Variants in STK3 observed in about 807,000 individuals in gnomAD.
The protein encoded by STK3 is serine/threonine-protein kinase 3.
STK3 carries 41 observed loss-of-function variants against 58.0 expected under a neutral mutation model. The observed-to-expected ratio is 0.71, with a 90% confidence interval of 0.55 to 0.92. STK3 has a LOEUF of 0.92. Among genes scored for constraint, STK3 ranks in the 40% least tolerant of loss-of-function variants. STK3 has a pLI of 0.00. For missense variants in STK3, 479 were observed against 602.7 expected, an observed-to-expected ratio of 0.79 and a Z score of 2.15; for synonymous variants, 170 against 191.0, an observed-to-expected ratio of 0.89 and a Z score of 0.91.
intron 4 of STK3, among the ~76,000 whole-genome samples, chr8:98,734,114 G>A (rs1035756007): frequency 1.3e-5 from 2 of 152,020 alleles, no homozygotes; most frequent in Non-Finnish European, 2.9e-5. Context: ...GAACAGCCGG[G>A]GGAAATCTGC....
At chr8:98,894,672 T>C (rs1168075500) in intron 1 of STK3, among the ~76,000 whole-genome samples, 1 of 152,262 alleles carries the variant, frequency 6.6e-6, no homozygotes, top group Non-Finnish European at 1.5e-5. Context: ...TTCACAGATA[T>C]CATCCCTGTG....
intron 1 of STK3, among the ~76,000 whole-genome samples, chr8:98,783,950 C>G (rs1832289004): frequency 6.6e-6 from 1 of 152,110 alleles, no homozygotes; most frequent in Non-Finnish European, 1.5e-5. Context: ...CACAAACAGC[C>G]CCTATTATGG....
intron 8 of STK3, among the ~76,000 whole-genome samples, chr8:98,563,711 GT>G (rs1271776788): frequency 2.0e-5 from 3 of 152,126 alleles, no homozygotes; most frequent in Non-Finnish European, 4.4e-5. Context: ...ATGGGGATAT[GT>G]CATAGGGACA....
At chr8:98,821,684 AG>A (rs1349508256) in intron 1 of STK3, among the ~76,000 whole-genome samples, 11 of 151,872 alleles carry the variant, frequency 7.2e-5, no homozygotes, top group African/African-American at 2.7e-4. Flanking sequence ...AAAGTTAAAA[AG>A]AAAAAAAAGG....
chr8:98,428,797 T>G lies in STK3; in HGVS notation n.483+5330A>C. ...CTCATGTCCATCGTCCCCTTTTACATCACTCTGGTGGTGAACCTGGTGGTG... is the reference window on the plus strand; with the variant it reads ...CTCATGTCCATCGTCCCCTTTTACAGCACTCTGGTGGTGAACCTGGTGGTG... On this transcript the variant is annotated intron_variant and non_coding_transcript_variant, in intron 3 of 3. Coordinates refer to the STK3 transcript ENST00000517832. This position sits in a 1 kb window ranked among gnomAD's most constrained non-coding sequence, Gnocchi z 6.7. 1 of 1,614,198 alleles carries G rather than the reference T, an allele frequency of 6.2e-7. No individual in the cohort carries two copies. The highest frequency in any genetic ancestry group is 8.5e-7 in the Non-Finnish European group (1 of 1,180,042).
intron 6 of STK3, among the ~76,000 whole-genome samples, chr8:98,677,488 T>C (rs1823313004): frequency 6.6e-6 from 1 of 151,478 alleles, no homozygotes; most frequent in Admixed American, 6.6e-5. Context: ...CTATTATTCA[T>C]ACTACCCAAA....
chr8:98,420,611 A>G (rs1482734340), intron 3 of STK3, among the ~76,000 whole-genome samples: 1 of 152,218 alleles, frequency 6.6e-6, no homozygotes, highest in Non-Finnish European at 1.5e-5. Flanking sequence ...TACAGCAATT[A>G]GCCTACCCTA....
downstream of STK3, among the ~76,000 whole-genome samples, chr8:98,398,373 C>T (rs180708389): frequency 2.6e-5 from 4 of 152,334 alleles, no homozygotes; most frequent in African/African-American, 9.6e-5. Flanking sequence ...CAACTTTCCC[C>T]TTTTTCGCTG....
In STK3 at chr8:98,568,914, T is replaced by C. The variant is rs148800401; in HGVS notation, c.948+10750A>G. Among the ~76,000 whole-genome samples, 17 of 152,180 alleles carry C rather than the reference T, an allele frequency of 1.1e-4. No individual in the cohort carries two copies. The East Asian group carries it at 2.9e-3, about 26-fold the overall frequency. ...AAGAAATAGCAAACATGAAATCACA[T>C]AGAACTGAAGGGTGTTTCCAGATTT... is the stretch of plus-strand genomic sequence containing the variant. On this transcript the variant is annotated intron_variant, in intron 8 of 10. Transcript: ENST00000419617.
At chr8:98,840,585 A>ATG (rs1835936633) in intron 3 of STK3, among the ~76,000 whole-genome samples, 2 of 18,810 alleles carry the variant, frequency 1.1e-4, no homozygotes, top group African/African-American at 4.7e-4. Flanking sequence ...AAAAAAATGT[A>ATG]TATATATATA....
intron 3 of STK3, among the ~76,000 whole-genome samples, chr8:98,412,350 C>T (rs1386449145): frequency 1.3e-5 from 2 of 152,344 alleles, no homozygotes; most frequent in East Asian, 3.9e-4. Flanking sequence ...CTAACAACAT[C>T]TTTCCTCTGC....
intron 6 of STK3, chr8:98,633,960 T>C (rs1200229094): frequency 5.1e-6 from 1 of 194,372 alleles, no homozygotes; most frequent in South Asian, 1.2e-4. Context: ...CATTCACAAC[T>C]GTCAAATGTT....
At chr8:98,366,351 ATTC>A (rs1817564442), downstream of STK3, among the ~76,000 whole-genome samples, 1 of 152,192 alleles carries the variant, frequency 6.6e-6, no homozygotes, top group Non-Finnish European at 1.5e-5. Context: ...ACTTAAAGAA[ATTC>A]TTTATATTTT....
At chr8:98,481,260 T>C (rs757547262) in intron 10 of STK3, among the ~76,000 whole-genome samples, 1 of 151,954 alleles carries the variant, frequency 6.6e-6, no homozygotes, top group Non-Finnish European at 1.5e-5. Context: ...AAATGAAAAA[T>C]AGCTACCCTA....
chr8:98,542,212 AAAAAT>A (rs57896963), intron 9 of STK3, among the ~76,000 whole-genome samples: 50,752 of 151,556 alleles, frequency 0.33, 9,187 homozygotes, highest in Admixed American at 0.48. Context: ...CTCCATTTCC[AAAAAT>A]AAAATAAAAT....
rs529192928 is a variant in STK3, at chr8:98,423,430, G to C, written n.483+10697C>G. Reference sequence around the variant, plus strand: ...GCTGGAGCACAGCTGGTGGAGAAGAGAGCAGTGAGCCGAAGTTTGGGAGGT... The same window carrying C: ...GCTGGAGCACAGCTGGTGGAGAAGACAGCAGTGAGCCGAAGTTTGGGAGGT... On this transcript the variant is annotated intron_variant and non_coding_transcript_variant, in intron 3 of 3. Coordinates refer to the STK3 transcript ENST00000517832. Among the ~76,000 whole-genome samples, 9 of 152,384 alleles carry C rather than the reference G, an allele frequency of 5.9e-5. No individual in the cohort carries two copies. The East Asian group carries it at 1.5e-3, about 26-fold the overall frequency.
chr8:98,489,276 T>A (rs1293945741), intron 10 of STK3, among the ~76,000 whole-genome samples: 3 of 152,112 alleles, frequency 2.0e-5, no homozygotes. Flanking sequence ...ACACATATGG[T>A]GAAATTGTTC....
chr8:98,694,211 T>C (rs1001501160), intron 6 of STK3, among the ~76,000 whole-genome samples: 2 of 152,190 alleles, frequency 1.3e-5, no homozygotes, highest in African/African-American at 4.8e-5. Context: ...AAAAGACTCT[T>C]CAGGAAAGGA....
At chr8:98,648,980 C>G (rs1387697224) in intron 6 of STK3, among the ~76,000 whole-genome samples, 1 of 151,384 alleles carries the variant, frequency 6.6e-6, no homozygotes, top group Non-Finnish European at 1.5e-5. Flanking sequence ...TCACTTGAAG[C>G]CAGGAGGCAG....
Sources: gnomAD v4.1 joint callset for allele counts (sites outside exome capture counted in the v4.1 genomes callset) on GRCh38, gnomAD v4.1.1 for gene constraint, Gnocchi (gnomAD v3.1) non-coding constraint, MANE v1.5 for transcripts, NCBI Gene and HGNC (gene_info 2026-07-23, HGNC 2026-07-21) for gene names.